CCDC158: variants seen among roughly 807,000 people sequenced by gnomAD.
CCDC158 encodes coiled-coil domain containing 158.
In CCDC158, 116 loss-of-function variants were observed where a neutral mutation model predicts 138.6. The ratio of observed to expected loss-of-function variants is 0.84; its 90% CI spans 0.72 to 0.98. The LOEUF is 0.98. Ranked by LOEUF, CCDC158 falls within the 50% of genes least tolerant of loss-of-function variation. The pLI is 0.00. For missense variants in CCDC158, 1,265 were observed against 1,306.1 expected (o/e 0.97, Z 0.48); for synonymous variants, 436 against 442.4 (o/e 0.99, Z 0.18).
At chr4:76,336,172 A>G (rs1032264527) in intron 18 of CCDC158, among the ~76,000 whole-genome samples, 1 of 96,870 alleles carries the variant, frequency 1.0e-5, no homozygotes, top group Non-Finnish European at 1.8e-5. Context: ...ACAGAGTGAG[A>G]CTCTGTCTCA....
At chr4:76,314,051 A>C (rs1719143467) in intron 24 of CCDC158, among the ~76,000 whole-genome samples, 1 of 152,116 alleles carries the variant, frequency 6.6e-6, no homozygotes, top group Non-Finnish European at 1.5e-5. Flanking sequence ...GTGCATTTGT[A>C]CAATCATTTC....
At chr4:76,347,006 A>C (rs550420246) in intron 18 of CCDC158, among the ~76,000 whole-genome samples, 1 of 152,300 alleles carries the variant, frequency 6.6e-6, no homozygotes, top group East Asian at 1.9e-4. Flanking sequence ...TAGAATGGCG[A>C]TCTTAAAAAG....
At chr4:76,349,036 C>A (rs1400677331) in intron 18 of CCDC158, among the ~76,000 whole-genome samples, 1 of 152,074 alleles carries the variant, frequency 6.6e-6, no homozygotes, top group Non-Finnish European at 1.5e-5. Flanking sequence ...ATACACCAAA[C>A]CAAAGAGAAA....
At chr4:76,360,565 T>C (rs1160101817) in intron 13 of CCDC158, among the ~76,000 whole-genome samples, 2 of 152,164 alleles carry the variant, frequency 1.3e-5, no homozygotes, top group African/African-American at 2.4e-5. Flanking sequence ...CAGCATGCCC[T>C]GAATGTGAGA....
At chr4:76,417,928 G>A (rs1279228227) in intron 1 of CCDC158, among the ~76,000 whole-genome samples, 1 of 152,194 alleles carries the variant, frequency 6.6e-6, no homozygotes, top group Non-Finnish European at 1.5e-5. Flanking sequence ...GTGGGGATGA[G>A]AGGGCTTCTA....
intron 9 of CCDC158, among the ~76,000 whole-genome samples, chr4:76,376,800 A>G (rs1725762660): frequency 6.6e-6 from 1 of 152,056 alleles, no homozygotes; most frequent in African/African-American, 2.4e-5. Flanking sequence ...CTAGGTGCCA[A>G]CTCTATTTAG....
At chr4:76,344,928 G>A in intron 18 of CCDC158, 2 of 1,529,184 alleles carry the variant, frequency 1.3e-6, no homozygotes, top group East Asian at 2.2e-5. Context: ...ATGTTTGGTG[G>A]CTTCTTCAAA....
chr4:76,368,647 G>A (rs17238882), intron 11 of CCDC158, among the ~76,000 whole-genome samples: 49,818 of 151,962 alleles, frequency 0.33, 9,594 homozygotes, highest in Non-Finnish European at 0.44. Context: ...AGGGTGCACC[G>A]GAATGGAATG....
chr4:76,383,893 T>C (rs959357658), intron 6 of CCDC158, among the ~76,000 whole-genome samples, 155 bp from the exon 7 acceptor site: 1 of 152,220 alleles, frequency 6.6e-6, no homozygotes, highest in Non-Finnish European at 1.5e-5. Flanking sequence ...TCTTTTACTT[T>C]GTCTATACTC....
chr4:76,396,201 C>A, intron 4 of CCDC158, 68 bp downstream of exon 4: 1 of 1,117,880 alleles, frequency 8.9e-7, no homozygotes, highest in Admixed American at 2.5e-5. Flanking sequence ...ACTGGCTTTA[C>A]AACTACATAC....
chr4:76,367,148 C>T lies in CCDC158; in HGVS notation c.1830+146G>A, dbSNP rs996658181. 26 of 850,030 alleles carry T rather than the reference C, an allele frequency of 3.1e-5. No individual in the cohort carries two copies. The South Asian group carries it at 5.0e-4, about 16-fold the overall frequency. The allele number at this position is 850,030 out of a possible 1,614,324, so 52.7% of individuals were successfully genotyped here. On this transcript the variant is annotated intron_variant, in intron 12 of 24. Coordinates refer to ENST00000682701, the MANE Select transcript of CCDC158 (RefSeq NM_001394954.1). ...TCTGATAAAAGTATTTATCCTTTCT[C>T]ACAAAAACACACATATACACATAGA... is the stretch of plus-strand genomic sequence containing the variant.
At chr4:76,335,313 T>C (rs950063081) in intron 18 of CCDC158, among the ~76,000 whole-genome samples, 1 of 152,180 alleles carries the variant, frequency 6.6e-6, no homozygotes, top group East Asian at 1.9e-4. Flanking sequence ...TAAAACCTCA[T>C]AAAGTTAATA....
chr4:76,363,498 G>A (rs751003017), intron 12 of CCDC158, among the ~76,000 whole-genome samples: 1 of 152,102 alleles, frequency 6.6e-6, no homozygotes, highest in African/African-American at 2.4e-5. Flanking sequence ...ACCTGGGGTC[G>A]GTCTTGGGGA....
At chr4:76,345,175 T>C in intron 18 of CCDC158, 1 of 984,290 alleles carries the variant, frequency 1.0e-6, no homozygotes, top group Admixed American at 1.7e-5. Flanking sequence ...AAGTACCTAT[T>C]GAAGGTTGCT....
upstream of CCDC158, among the ~76,000 whole-genome samples, chr4:76,421,257 A>AG (rs1343747328): frequency 1.3e-5 from 2 of 150,816 alleles, no homozygotes; most frequent in Non-Finnish European, 1.5e-5. Context: ...GGAGGGGAGG[A>AG]GGGGGGTGCT....
intron 23 of CCDC158, among the ~76,000 whole-genome samples, chr4:76,324,733 A>G (rs1560783862): frequency 1.3e-5 from 2 of 152,172 alleles, no homozygotes. Flanking sequence ...CCAGGAAGGC[A>G]TCCAAGATTT....
At chr4:76,346,480 G>T (rs527769513) in intron 18 of CCDC158, among the ~76,000 whole-genome samples, 1 of 152,224 alleles carries the variant, frequency 6.6e-6, no homozygotes, top group Admixed American at 6.5e-5. Flanking sequence ...GGGAGGCCAA[G>T]CTGGGTGGAT....
intron 12 of CCDC158, among the ~76,000 whole-genome samples, chr4:76,365,570 C>G (rs527465845): frequency 4.6e-5 from 7 of 152,314 alleles, no homozygotes; most frequent in South Asian, 2.1e-4. Flanking sequence ...GGCTAAATTA[C>G]AGACTAGGCT....
At chr4:76,355,300 C>T (rs1369065636) in intron 15 of CCDC158, 24 bp downstream of exon 15, 1 of 1,478,498 alleles carries the variant, frequency 6.8e-7, no homozygotes, top group Admixed American at 1.7e-5. Flanking sequence ...TGTTGGTTTC[C>T]CCACTCTGAG....
Sources: gnomAD v4.1 joint callset for allele counts (sites outside exome capture counted in the v4.1 genomes callset) on GRCh38, gnomAD v4.1.1 for gene constraint, MANE v1.5 for transcripts, NCBI Gene and HGNC (gene_info 2026-07-23, HGNC 2026-07-21) for gene names.